The following TTC28 variants were observed in gnomAD, a reference collection of about 807,000 sequenced individuals.
The protein encoded by TTC28 is tetratricopeptide repeat domain 28, also known as tetratricopeptide repeat protein 28.
In TTC28, 61 loss-of-function variants were observed where a neutral mutation model predicts 198.0. The ratio of observed to expected loss-of-function variants is 0.31; its 90% CI spans 0.25 to 0.38. TTC28 has a LOEUF of 0.38. Among genes scored for constraint, TTC28 ranks in the 10% least tolerant of loss-of-function variants. TTC28 has a pLI of 1.00. For synonymous variants in TTC28, 1,171 were observed against 1,297.8 expected, an observed-to-expected ratio of 0.90 and a Z score of 2.10; for missense variants, 2,678 against 3,164.0, an observed-to-expected ratio of 0.85 and a Z score of 3.69.
intron 1 of TTC28, among the ~76,000 whole-genome samples, chr22:28,657,474 G>C (rs1343625076): frequency 6.6e-6 from 1 of 152,124 alleles, no homozygotes; most frequent in Admixed American, 6.5e-5. Flanking sequence ...GCAGAATAAA[G>C]GCAACAAAAT....
In TTC28 at chr22:28,154,335, C is replaced by A. The variant is rs924990320; in HGVS notation, c.1441+8757G>T. 2.3e-4 allele frequency among the ~76,000 whole-genome samples: 28 copies of A among 122,366 alleles called. 1 individual carries two copies. The highest frequency in any genetic ancestry group is 4.6e-4 in the African/African-American group (16 of 34,884). 80.3% of individuals were successfully genotyped at this position (122,366 alleles called of 152,430 possible). A position where few individuals can be genotyped will look rare whatever the true frequency, so the allele number is the denominator to read the frequency against. ...AAAAGATGGCCATTTTTTTTTTTTTCTTTTCTTTTCTTTTCTTTTTCTTTT... is the reference window on the plus strand; with the variant it reads ...AAAAGATGGCCATTTTTTTTTTTTTATTTTCTTTTCTTTTCTTTTTCTTTT... On this transcript the variant is annotated intron_variant, in intron 6 of 22. Coordinates refer to ENST00000397906, the MANE Select transcript of TTC28 (RefSeq NM_001145418.2).
chr22:28,114,643 G>A (rs566433217), intron 6 of TTC28, among the ~76,000 whole-genome samples: 6 of 149,980 alleles, frequency 4.0e-5, no homozygotes, highest in African/African-American at 1.5e-4. Context: ...GCAGTGGCAT[G>A]ATCATGGCTC....
chr22:28,654,396 C>T (rs1410615297), intron 1 of TTC28, among the ~76,000 whole-genome samples: 2 of 152,132 alleles, frequency 1.3e-5, no homozygotes, highest in Non-Finnish European at 2.9e-5. Flanking sequence ...GGCGCAATCT[C>T]AGCTCACTGC....
intron 8 of TTC28, among the ~76,000 whole-genome samples, chr22:28,104,900 T>G (rs540049409): frequency 6.6e-6 from 1 of 152,306 alleles, no homozygotes; most frequent in African/African-American, 2.4e-5. Flanking sequence ...ACCCTTATAA[T>G]TTTTTAGGAT....
At chr22:28,637,015 T>TTG (rs1555905656) in intron 1 of TTC28, among the ~76,000 whole-genome samples, 31 of 145,692 alleles carry the variant, frequency 2.1e-4, no homozygotes, top group African/African-American at 7.9e-4. Flanking sequence ...TTTTTTTTTT[T>TTG]TTTTTTTTTT....
intron 16 of TTC28, 144 bp downstream of exon 16, chr22:27,998,396 G>A: frequency 7.5e-7 from 1 of 1,329,652 alleles, no homozygotes; most frequent in Middle Eastern, 2.7e-4. Context: ...GCAAGACTCA[G>A]CACACAGGCT....
chr22:28,106,941 T>A, intron 7 of TTC28, 121 bp downstream of exon 7: 1 of 1,253,842 alleles, frequency 8.0e-7, no homozygotes, highest in South Asian at 1.6e-5. Context: ...AGGAATCAGA[T>A]GAGATATGTA....
chr22:28,543,449 A>T (rs2049463981), intron 2 of TTC28, among the ~76,000 whole-genome samples: 1 of 151,038 alleles, frequency 6.6e-6, no homozygotes, highest in Non-Finnish European at 1.5e-5. Context: ...GAGGAAGAGG[A>T]GGAGGAGGAG....
intron 2 of TTC28, among the ~76,000 whole-genome samples, chr22:28,551,249 C>CA (rs1367280669): frequency 6.6e-6 from 1 of 151,284 alleles, no homozygotes; most frequent in African/African-American, 2.4e-5. Context: ...AAATTGTAAA[C>CA]AAAAAAAAGT....
chr22:27,998,908 C>G lies in TTC28; in HGVS notation c.4751G>C (p.Arg1584Pro). 1 of 1,550,606 alleles carries G rather than the reference C, an allele frequency of 6.4e-7. No individual in the cohort carries two copies. Among genetic ancestry groups the G allele is most frequent in the South Asian group, 1.2e-5 (1 of 84,062 alleles). ...GHPYTIPESL[R>P]VQDDASDGES... is the part of the protein sequence containing the mutation. The stretch of plus-strand genomic sequence containing the variant: ...CCCATCACTGGCATCGTCCTGCACC[C>G]GCAAGGACTCAGGGATCGTGTAGGG... The change falls in exon 16 of 23, where the codon CGG becomes CCG. Residue 1584 changes from arginine (R) to proline (P), a missense_variant. By Grantham distance (103) the Arg-to-Pro change is moderately radical (BLOSUM62 -2). Transcript: ENST00000397906.
Position 28,194,649 on chromosome 22 carries a change from G to A in TTC28, c.934-31050C>T, listed in dbSNP as rs1013058031. On this transcript the variant is annotated intron_variant, in intron 5 of 22. Coordinates refer to ENST00000397906, the MANE Select transcript of TTC28 (RefSeq NM_001145418.2). ...TACAAACTACCATCAGAGAATACCA[G>A]AAACACCTCTACGGAAATAAACTAG... Among the ~76,000 whole-genome samples the A allele has an allele frequency of 2.0e-5, 3 of 151,540 alleles. No homozygotes were observed. In the South Asian group the frequency reaches 6.3e-4, roughly 32 times the overall value.
intron 2 of TTC28, among the ~76,000 whole-genome samples, chr22:28,333,887 C>T (rs1323687330): frequency 1.3e-5 from 2 of 151,942 alleles, no homozygotes; most frequent in Non-Finnish European, 2.9e-5. Context: ...TTTTAGGGTA[C>T]ATGTCCATAA....
intron 6 of TTC28, among the ~76,000 whole-genome samples, chr22:28,149,367 T>C (rs1412666532): frequency 1.3e-5 from 2 of 152,150 alleles, no homozygotes; most frequent in Non-Finnish European, 2.9e-5. Flanking sequence ...GTGTCCATCA[T>C]GGATGAGTGG....
At chr22:28,644,717 G>T (rs965354789) in intron 1 of TTC28, among the ~76,000 whole-genome samples, 3 of 151,842 alleles carry the variant, frequency 2.0e-5, no homozygotes, top group Non-Finnish European at 4.4e-5. Flanking sequence ...CAGCTACTTG[G>T]GAGGCTGAGG....
At chr22:28,627,057 GA>G in intron 2 of TTC28, among the ~76,000 whole-genome samples, 1 of 152,194 alleles carries the variant, frequency 6.6e-6, no homozygotes, top group Admixed American at 6.5e-5. Flanking sequence ...TACTTAATTT[GA>G]AAATTAAGCT....
rs760658409 is a variant in TTC28, at chr22:28,107,552, G to A, written c.2293C>T (p.Arg765Ter). 1 of 1,551,636 alleles carries A rather than the reference G, an allele frequency of 6.4e-7. No homozygotes were observed. Among genetic ancestry groups the A allele is most frequent in the African/African-American group, 1.4e-5 (1 of 73,024 alleles). Reference protein sequence around the residue: ...SAYAALGTAYRMIQKYDKALG... With the variant: ...SAYAALGTAY The stretch of plus-strand genomic sequence containing the variant: ...GCCTTGTCATACTTCTGGATCATTC[G>A]GTATGCAGTGCCCAGGGCTGCATAT... Residue 765 changes from arginine to a stop codon, truncating the protein, a stop_gained, in exon 7 of 23, where the codon CGA (arginine) becomes TGA (stop). Transcript: ENST00000397906. LOFTEE classifies it high-confidence loss of function.
chr22:28,357,075 C>T (rs1383768373), intron 2 of TTC28, among the ~76,000 whole-genome samples: 2 of 152,106 alleles, frequency 1.3e-5, no homozygotes, highest in Non-Finnish European at 2.9e-5. Flanking sequence ...TATAAATACA[C>T]ATAAATAGGT....
chr22:28,191,198 G>C (rs577467510), intron 5 of TTC28, among the ~76,000 whole-genome samples: 1 of 152,286 alleles, frequency 6.6e-6, no homozygotes, highest in East Asian at 1.9e-4. Flanking sequence ...TTAAATGCAG[G>C]TTTACTTGAT....
intron 12 of TTC28, 83 bp downstream of exon 12, chr22:28,093,995 TTC>T: frequency 1.5e-6 from 2 of 1,376,618 alleles, no homozygotes; most frequent in Non-Finnish European, 1.9e-6. Context: ...AAAAGATTTC[TTC>T]TGTTAGCTCA....
Sources: allele counts gnomAD v4.1 joint callset (sites outside exome capture counted in the v4.1 genomes callset), GRCh38; gene constraint gnomAD v4.1.1; transcripts MANE v1.5; gene names NCBI Gene and HGNC (gene_info 2026-07-23, HGNC 2026-07-21).